NT5DC4: variants seen among roughly 807,000 people sequenced by gnomAD.
NT5DC4 encodes 5'-nucleotidase domain containing 4, also known as 5'-nucleotidase domain-containing protein 4.
A neutral mutation model predicts 26.6 loss-of-function variants in NT5DC4; 44 were observed. That is an observed-to-expected ratio of 1.65 (90% CI 1.30 to 2.13). The LOEUF is 2.13. Ranked by LOEUF, NT5DC4 falls within the 30% of genes most tolerant of loss-of-function variation. The pLI is 0.00. For synonymous variants in NT5DC4, 157 were observed against 86.7 expected, an observed-to-expected ratio of 1.81 and a Z score of -4.51; for missense variants, 399 against 228.1, an observed-to-expected ratio of 1.75 and a Z score of -4.83.
rs1465178806 is a variant in NT5DC4, at chr2:112,725,414, G to A, written c.1015G>A (p.Val339Ile). The change falls in exon 13 of 17, where the codon GTT becomes ATT. Residue 339 changes from valine (V) to isoleucine (I), a missense_variant. Val to Ile is a conservative substitution (Grantham distance 29, BLOSUM62 3). Coordinates refer to ENST00000688554, the MANE Select transcript of NT5DC4 (RefSeq NM_001393655.1). ...GGACATGGTGTGCGAGCTGCTTGGG[G>A]TTCGGGGGATGGACATCCTGTACAT... is the stretch of plus-strand genomic sequence containing the variant. ...SSDMVCELLGVRGMDILYIGD... is the reference protein window; with the variant it reads ...SSDMVCELLGIRGMDILYIGD... 2 of 715,084 alleles carry A rather than the reference G, an allele frequency of 2.8e-6. No homozygotes were observed. The highest frequency in any genetic ancestry group is 1.5e-5 in the South Asian group (1 of 67,506). 44.3% of individuals were successfully genotyped at this position (715,084 alleles called of 1,614,324 possible). A position where few individuals can be genotyped will look rare whatever the true frequency, so the allele number is the denominator to read the frequency against.
At chr2:112,736,146 A>G (rs1418031422) in intron 16 of NT5DC4, among the ~76,000 whole-genome samples, 2 of 152,098 alleles carry the variant, frequency 1.3e-5, no homozygotes, top group African/African-American at 4.8e-5. Flanking sequence ...AGGATCGATC[A>G]TGAGAACCTG....
intron 16 of NT5DC4, among the ~76,000 whole-genome samples, chr2:112,733,057 A>G (rs114079240): frequency 9.5e-4 from 144 of 152,280 alleles, no homozygotes; most frequent in Non-Finnish European, 1.9e-3. Flanking sequence ...TTACTCTTGT[A>G]GAACTGCAGG....
chr2:112,725,090 C>G (rs1384675414), intron 11 of NT5DC4, 84 bp from the exon 12 acceptor site: 2 of 663,864 alleles, frequency 3.0e-6, no homozygotes, highest in African/African-American at 3.6e-5. Flanking sequence ...TTACCTCTGC[C>G]ACTCCCAGCT....
downstream of NT5DC4, chr2:112,740,862 C>T (rs959524198): frequency 4.3e-6 from 7 of 1,613,458 alleles, no homozygotes; most frequent in Admixed American, 1.7e-5. Context: ...GATAATTATG[C>T]TGTTCTGCCT....
intron 16 of NT5DC4, 132 bp from the exon 17 acceptor site, chr2:112,738,781 T>C (rs139384306): frequency 2.2e-5 from 29 of 1,311,830 alleles, no homozygotes; most frequent in Non-Finnish European, 3.2e-5. Flanking sequence ...TCTTGTCTTA[T>C]GTTGGTTCTG....
chr2:112,735,038 A>ATTTTTTT (rs70965024), intron 16 of NT5DC4, among the ~76,000 whole-genome samples: 8 of 94,492 alleles, frequency 8.5e-5, no homozygotes, highest in East Asian at 3.1e-4. Flanking sequence ...AGGCAAGAAC[A>ATTTTTTT]TTTTTTTTTT....
chr2:112,719,570 C>T (rs1400635092), upstream of NT5DC4, among the ~76,000 whole-genome samples: 1 of 146,716 alleles, frequency 6.8e-6, no homozygotes, highest in Admixed American at 7.0e-5. Context: ...ACTGCAACCT[C>T]TGCTTTCTGG....
chr2:112,725,521 C>T lies in NT5DC4; in HGVS notation c.1122C>T (p.Ser374=), dbSNP rs1018213017. ...WRTCLVVPEL[S]WELDIWAQEK... ...CTTGCCTGGTGGTTCCTGAGCTGTC[C>T]TGGGAGCTGGACATCTGGGCCCAGG... Residue 374 remains serine (S), a synonymous_variant, in exon 13 of 17, where the codon TCC becomes TCT. Transcript: ENST00000688554. 1 of 715,248 alleles carries T rather than the reference C, an allele frequency of 1.4e-6. No homozygotes were observed. The highest frequency in any genetic ancestry group is 1.5e-5 in the South Asian group (1 of 67,384). The allele number at this position is 715,248 out of a possible 1,614,324, so 44.3% of individuals were successfully genotyped here.
Position 112,722,605 on chromosome 2 carries a change from G to C in NT5DC4, c.469+16G>C. 1.4e-6 allele frequency: 1 copy of C among 717,478 alleles called. No homozygotes were observed. The highest frequency in any genetic ancestry group is 2.0e-5 in the Admixed American group (1 of 50,016). 44.4% of individuals were successfully genotyped at this position (717,478 alleles called of 1,614,324 possible). ...AACCTGCCTGGTGGGTGGAGGGTTG[G>C]GGGCACGGGAGGTGGTCCTGAGTTC... On this transcript the variant is annotated intron_variant, in intron 5 of 16. Coordinates refer to ENST00000688554, the MANE Select transcript of NT5DC4 (RefSeq NM_001393655.1).
chr2:112,719,938 CTTTCTTTCT>C (rs1342422006), upstream of NT5DC4, among the ~76,000 whole-genome samples: 3 of 83,600 alleles, frequency 3.6e-5, no homozygotes, highest in Non-Finnish European at 6.8e-5. Context: ...TTCTTTCTTT[CTTTCTTTCT>C]TTCTTTCTTT....
At chr2:112,727,013 A>C in intron 15 of NT5DC4, 1 of 519,562 alleles carries the variant, frequency 1.9e-6, no homozygotes, top group Non-Finnish European at 3.5e-6. Context: ...CTGCCCGGGA[A>C]GTGCCTGCGT....
downstream of NT5DC4, chr2:112,740,734 T>A: frequency 8.9e-7 from 1 of 1,126,022 alleles, no homozygotes; most frequent in Admixed American, 2.0e-5. Context: ...CAGGTCTCAG[T>A]TACTCTAGAT....
chr2:112,721,487 C>G (rs1387675223), intron 1 of NT5DC4: 1 of 717,910 alleles, frequency 1.4e-6, no homozygotes, highest in Non-Finnish European at 2.6e-6. Context: ...GGTGACAACC[C>G]TCACACCAAC....
intron 16 of NT5DC4, chr2:112,736,518 T>C (rs1199777923): frequency 6.6e-6 from 1 of 152,226 alleles, no homozygotes; most frequent in Non-Finnish European, 1.5e-5. Flanking sequence ...AAATCCCTAA[T>C]ACAATTGTAT....
chr2:112,722,972 A>T, intron 6 of NT5DC4, 109 bp from the exon 7 acceptor site: 2 of 388,566 alleles, frequency 5.1e-6, no homozygotes, highest in Non-Finnish European at 9.6e-6. Context: ...ACATAAGCCC[A>T]GTGAAGGCCC....
chr2:112,734,022 T>C (rs889713040), intron 16 of NT5DC4, among the ~76,000 whole-genome samples: 1 of 152,150 alleles, frequency 6.6e-6, no homozygotes, highest in Non-Finnish European at 1.5e-5. Context: ...CAGACAGCCC[T>C]GACTTTGAAA....
rs1258220146 is a variant in NT5DC4 at position 112,739,002 on chromosome 2, C to G, written c.*66C>G. On this transcript the variant is annotated 3_prime_UTR_variant, in exon 17 of 17. Coordinates refer to ENST00000688554, the MANE Select transcript of NT5DC4 (RefSeq NM_001393655.1). Reference sequence around the variant, plus strand: ...CGCTCAATCCTCGACGAACGCCGTACAGGAGTGATAAATTTCATGTCTTGC... The same window carrying G: ...CGCTCAATCCTCGACGAACGCCGTAGAGGAGTGATAAATTTCATGTCTTGC... 6.2e-7 allele frequency: 1 copy of G among 1,614,172 alleles called. No homozygotes were observed. Among genetic ancestry groups the G allele is most frequent in the Admixed American group, 1.7e-5 (1 of 60,018 alleles).
In NT5DC4 at chr2:112,732,524, G is replaced by C. The variant is rs1011288232; in HGVS notation, c.1344+2820G>C. Among the ~76,000 whole-genome samples, 41 of 152,144 alleles carry C rather than the reference G, an allele frequency of 2.7e-4. 1 individual carries two copies. The highest frequency in any genetic ancestry group is 2.0e-3 in the Admixed American group (30 of 15,274). On this transcript the variant is annotated intron_variant, in intron 16 of 16. Transcript: ENST00000688554. ...CACTGGCCTGTGTCTTTAAACGCTT[G>C]ATTCTTAGTCAAGAGCTAAAGGATA... is the stretch of plus-strand genomic sequence containing the variant.
chr2:112,725,599 T>A, intron 13 of NT5DC4, 47 bp downstream of exon 13: 1 of 645,732 alleles, frequency 1.5e-6, no homozygotes. Flanking sequence ...TGGCCTCCCA[T>A]GCAGAGGCCC....
Sources: allele counts gnomAD v4.1 joint callset (sites outside exome capture counted in the v4.1 genomes callset), GRCh38; gene constraint gnomAD v4.1.1; transcripts MANE v1.5; gene names NCBI Gene and HGNC (gene_info 2026-07-23, HGNC 2026-07-21).